The following FZD4 variants were observed in gnomAD, a reference collection of about 807,000 sequenced individuals.
FZD4 encodes frizzled class receptor 4, also known as frizzled-4.
In FZD4, 16 loss-of-function variants were observed where a neutral mutation model predicts 37.3. That is an observed-to-expected ratio of 0.43 (90% confidence interval 0.29 to 0.65). The LOEUF (loss-of-function observed/expected upper bound fraction) is 0.65, where lower values mean the gene tolerates loss of function less well. Ranked by LOEUF, FZD4 falls within the 30% of genes least tolerant of loss-of-function variation. FZD4 has a pLI of 0.16. For synonymous variants in FZD4, 246 were observed against 254.8 expected, an observed-to-expected ratio of 0.97 and a Z score of 0.33; for missense variants, 599 against 674.3, an observed-to-expected ratio of 0.89 and a Z score of 1.24.
chr11:86,952,601 G>A lies in FZD4; in HGVS notation c.286-131C>T, dbSNP rs531400084. The A allele has an allele frequency of 1.7e-5, 16 of 947,128 alleles. 1 individual carries two copies. Among genetic ancestry groups the A allele is most frequent in the South Asian group, 1.6e-4 (11 of 70,300 alleles). 58.7% of individuals were successfully genotyped at this position (947,128 alleles called of 1,614,324 possible). A position where few individuals can be genotyped will look rare whatever the true frequency, so the allele number is the denominator to read the frequency against. ...CTACTTTTAAACCAACCTATCGGGA[G>A]TCTGTCTGTTTACTCTGACCTCAAA... On this transcript the variant is annotated intron_variant, in intron 1 of 1. Coordinates refer to ENST00000531380, the MANE Select transcript of FZD4 (RefSeq NM_012193.4).
At chr11:86,952,539 C>T (rs1949303746) in intron 1 of FZD4, 69 bp from the exon 2 acceptor site, 6 of 1,562,016 alleles carry the variant, frequency 3.8e-6, no homozygotes, top group Non-Finnish European at 5.2e-6. Flanking sequence ...AATGCTCCCA[C>T]AAAGCTGAGT....
rs1949268846 is a variant in FZD4, at chr11:86,949,167, T to G, written c.*1975A>C. On this transcript the variant is annotated 3_prime_UTR_variant, in exon 2 of 2. Coordinates refer to ENST00000531380, the MANE Select transcript of FZD4 (RefSeq NM_012193.4). ...CAGGGGCCACCTGTGCCCACTTAACTTCAGTCTCAAAAGCCAAGACTTTGC... is the reference window on the plus strand; with the variant it reads ...CAGGGGCCACCTGTGCCCACTTAACGTCAGTCTCAAAAGCCAAGACTTTGC... 1 of 152,148 alleles carries G rather than the reference T, an allele frequency of 6.6e-6. No individual in the cohort carries two copies. The highest frequency in any genetic ancestry group is 1.5e-5 in the Non-Finnish European group (1 of 68,024). The allele number at this position is 152,148 out of a possible 1,614,324, so 9.4% of individuals were successfully genotyped here.
rs776302269 is a variant in FZD4 at position 86,955,088 on chromosome 11, C to G, written c.-3G>C. Reference sequence around the variant, plus strand: ...GGCCCTGCGCCCCGCCAGGCCATGGCCAGCATCGGGGGTAGCAGCGGCAGC... The same window carrying G: ...GGCCCTGCGCCCCGCCAGGCCATGGGCAGCATCGGGGGTAGCAGCGGCAGC... On this transcript the variant is annotated 5_prime_UTR_variant, in exon 1 of 2. Coordinates refer to ENST00000531380, the MANE Select transcript of FZD4 (RefSeq NM_012193.4). 2.0e-6 allele frequency: 3 copies of G among 1,521,066 alleles called. No individual in the cohort carries two copies. Among genetic ancestry groups the G allele is most frequent in the Non-Finnish European group, 2.6e-6 (3 of 1,139,220 alleles). 94.2% of individuals were successfully genotyped at this position (1,521,066 alleles called of 1,614,324 possible). A position where few individuals can be genotyped will look rare whatever the true frequency, so the allele number is the denominator to read the frequency against.
rs1384151516 is a variant in FZD4 at position 86,950,763 on chromosome 11, T to C, written c.*379A>G. ...TGGTAAAGGGTTAAAAAAGTTAATA[T>C]TTCTCCCTGCTAGTTACCAACTCAC... is the stretch of plus-strand genomic sequence containing the variant. On this transcript the variant is annotated 3_prime_UTR_variant, in exon 2 of 2. Coordinates refer to ENST00000531380, the MANE Select transcript of FZD4 (RefSeq NM_012193.4). 6 of 292,250 alleles carry C rather than the reference T, an allele frequency of 2.1e-5. No individual in the cohort carries two copies. Among genetic ancestry groups the C allele is most frequent in the African/African-American group, 6.4e-5 (3 of 46,532 alleles). The allele number at this position is 292,250 out of a possible 1,614,324, so 18.1% of individuals were successfully genotyped here.
At position 86,952,171 on chromosome 11, in the gene FZD4, T is replaced by C. The variant is rs1949299623; in HGVS notation, c.585A>G (p.Lys195=). ...ACTTGAGCACACAGTTCAGGCTCCT[T>C]TTCACCCAGATGTACTGATCAGAAT... ...GTNSDQYIWV[K]RSLNCVLKCG... The change falls in exon 2 of 2, where the codon AAA becomes AAG. Residue 195 remains lysine (K), a synonymous_variant. Coordinates refer to ENST00000531380, the MANE Select transcript of FZD4 (RefSeq NM_012193.4). 6.2e-7 allele frequency: 1 copy of C among 1,611,946 alleles called. No individual in the cohort carries two copies. The highest frequency in any genetic ancestry group is 1.7e-5 in the Admixed American group (1 of 59,916).
At chr11:86,954,153 G>C in intron 1 of FZD4, 2 of 630,556 alleles carry the variant, frequency 3.2e-6, no homozygotes, top group Non-Finnish European at 4.0e-6. Context: ...TCTATCATTA[G>C]ATATGCTTTA....
chr11:86,954,771 C>A (rs1590945242), intron 1 of FZD4, 30 bp downstream of exon 1: 1 of 1,574,756 alleles, frequency 6.4e-7, no homozygotes, highest in East Asian at 2.3e-5. Context: ...CCCAAGGGGT[C>A]CCGCCAGGGG....
At chr11:86,952,611 T>A in intron 1 of FZD4, 141 bp from the exon 2 acceptor site, 1 of 857,012 alleles carries the variant, frequency 1.2e-6, no homozygotes, top group Non-Finnish European at 1.9e-6. Context: ...GTCTGTCTGT[T>A]TACTCTGACC....
chr11:86,951,457 C>T lies in FZD4; in HGVS notation c.1299G>A (p.Leu433=). Residue 433 remains leucine (L), a synonymous_variant, in exon 2 of 2, where the codon CTG becomes CTA. Coordinates refer to ENST00000531380, the MANE Select transcript of FZD4 (RefSeq NM_012193.4). ...DGTKTDKLER[L]MVKIGVFSVL... Reference sequence around the variant, plus strand: ...CTGAGAACACCCCAATCTTGACCATCAGTCTTTCTAACTTGTCTGTCTTTG... The same window carrying T: ...CTGAGAACACCCCAATCTTGACCATTAGTCTTTCTAACTTGTCTGTCTTTG... The T allele has an allele frequency of 6.2e-7, 1 of 1,613,932 alleles. No individual in the cohort carries two copies.
At position 86,954,788 on chromosome 11, in the gene FZD4, T is replaced by TGGGGGC; in HGVS notation, c.285+7_285+12dup. 7.5e-6 allele frequency: 12 copies of TGGGGGC among 1,590,766 alleles called. No individual in the cohort carries two copies. Among genetic ancestry groups the TGGGGGC allele is most frequent in the Non-Finnish European group, 1.0e-5 (12 of 1,169,514 alleles). ...CAAGGGGTCCCGCCAGGGGTGGGGG[T>TGGGGGC]GGGGGCGCCCACCTGCAGCTGGCTG... On this transcript the variant is annotated intron_variant, in intron 1 of 1. Transcript: ENST00000531380.
rs753775277 is a variant in FZD4 at position 86,955,057 on chromosome 11, A to G, written c.29T>C (p.Val10Ala). 6.3e-7 allele frequency: 1 copy of G among 1,595,536 alleles called. No individual in the cohort carries two copies. ...ACCGACGCCCCCGGGCGCCCCCGGG[A>G]CGCTCGGCCCTGCGCCCCGCCAGGC... MAWRGAGPS[V>A]PGAPGGVGLS... Residue 10 changes from valine to alanine, a missense_variant, in exon 1 of 2, where the codon GTC becomes GCC. Physicochemically the swap from Val to Ala is moderately conservative, Grantham distance 64 (BLOSUM62 0). Coordinates refer to ENST00000531380, the MANE Select transcript of FZD4 (RefSeq NM_012193.4).
At position 86,952,587 on chromosome 11, in the gene FZD4, C is replaced by A. The variant is rs1364834741; in HGVS notation, c.286-117G>T. 4 of 1,116,968 alleles carry A rather than the reference C, an allele frequency of 3.6e-6. No homozygotes were observed. The East Asian group carries it at 9.4e-5, about 26-fold the overall frequency. The allele number at this position is 1,116,968 out of a possible 1,614,324, so 69.2% of individuals were successfully genotyped here. A position where few individuals can be genotyped will look rare whatever the true frequency, so the allele number is the denominator to read the frequency against. On this transcript the variant is annotated intron_variant, in intron 1 of 1. Coordinates refer to ENST00000531380, the MANE Select transcript of FZD4 (RefSeq NM_012193.4). ...GGCAATCTAGGTATCTACTTTTAAA[C>A]CAACCTATCGGGAGTCTGTCTGTTT...
rs1590941351 is a variant in FZD4, at chr11:86,948,391, C to G, written c.*2751G>C. 6.6e-6 allele frequency: 1 copy of G among 152,082 alleles called. No homozygotes were observed. Among genetic ancestry groups the G allele is most frequent in the East Asian group, 1.9e-4 (1 of 5,184 alleles). 9.4% of individuals were successfully genotyped at this position (152,082 alleles called of 1,614,324 possible). ...AGTCGGCACTCAATAAATAAAATAA[C>G]TGATTTTTTTAACAAATACCGATTT... On this transcript the variant is annotated 3_prime_UTR_variant, in exon 2 of 2. Transcript: ENST00000531380.
intron 1 of FZD4, among the ~76,000 whole-genome samples, chr11:86,953,707 C>T (rs1949313602): frequency 6.6e-6 from 1 of 152,110 alleles, no homozygotes; most frequent in Non-Finnish European, 1.5e-5. Context: ...ACCTCTGCCT[C>T]CTGGGTTCAA....
Position 86,955,141 on chromosome 11 carries a change from C to T in FZD4, c.-56G>A, listed in dbSNP as rs2135045706. On this transcript the variant is annotated 5_prime_UTR_variant, in exon 1 of 2. Transcript: ENST00000531380. ...CTGGGGCTGCTCTGGCAGACACCCC[C>T]AGTTTGCACGGGGGCGCCGGCTGCC... is the stretch of plus-strand genomic sequence containing the variant. 1 of 1,332,724 alleles carries T rather than the reference C, an allele frequency of 7.5e-7. No individual in the cohort carries two copies. Among genetic ancestry groups the T allele is most frequent in the East Asian group, 2.9e-5 (1 of 34,390 alleles). 82.6% of individuals were successfully genotyped at this position (1,332,724 alleles called of 1,614,324 possible).
rs778781079 is a variant in FZD4 at position 86,951,445 on chromosome 11, A to G, written c.1311T>C (p.Ile437=). The G allele has an allele frequency of 1.2e-6, 2 of 1,613,626 alleles. No homozygotes were observed. Among genetic ancestry groups the G allele is most frequent in the South Asian group, 2.2e-5 (2 of 91,064 alleles). ...CTGTGTACAGTACTGAGAACACCCC[A>G]ATCTTGACCATCAGTCTTTCTAACT... ...TDKLERLMVK[I]GVFSVLYTVP... is the part of the protein sequence containing the mutation. Residue 437 remains isoleucine (I), a synonymous_variant, in exon 2 of 2, where the codon ATT becomes ATC. Coordinates refer to ENST00000531380, the MANE Select transcript of FZD4 (RefSeq NM_012193.4).
chr11:86,949,997 T>TA lies in FZD4; in HGVS notation c.*1144dup, dbSNP rs1308869878. The TA allele has an allele frequency of 4.6e-5, 7 of 152,374 alleles. No individual in the cohort carries two copies. Among genetic ancestry groups the TA allele is most frequent in the African/African-American group, 1.4e-4 (6 of 41,576 alleles). The allele number at this position is 152,374 out of a possible 1,614,324, so 9.4% of individuals were successfully genotyped here. A position where few individuals can be genotyped will look rare whatever the true frequency, so the allele number is the denominator to read the frequency against. ...GATAACATTCTTATGCTTTAAAAAATAAAAAAATTTTTAAAGGCACTATCA... is the reference window on the plus strand; with the variant it reads ...GATAACATTCTTATGCTTTAAAAAATAAAAAAAATTTTTAAAGGCACTATCA... On this transcript the variant is annotated 3_prime_UTR_variant, in exon 2 of 2. Coordinates refer to ENST00000531380, the MANE Select transcript of FZD4 (RefSeq NM_012193.4).
At position 86,951,266 on chromosome 11, in the gene FZD4, G is replaced by C. The variant is rs80358300; in HGVS notation, c.1490C>G (p.Ser497Cys). 5.0e-6 allele frequency: 8 copies of C among 1,614,142 alleles called. No individual in the cohort carries two copies. The highest frequency in any genetic ancestry group is 6.8e-6 in the Non-Finnish European group (8 of 1,180,028). Reference sequence around the variant, plus strand: ...CTGCCACGTGTGAAGAGTTTTGGCAGACCAAATCCACATGCCTGAAGTGAT... The same window carrying C: ...CTGCCACGTGTGAAGAGTTTTGGCACACCAAATCCACATGCCTGAAGTGAT... ...VGITSGMWIW[S>C]AKTLHTWQKC... Residue 497 changes from serine to cysteine, a missense_variant, in exon 2 of 2, where the codon TCT (serine) becomes TGT (cysteine). Ser to Cys is a moderately radical substitution (Grantham distance 112). This residue lies in a region of FZD4 where 203 missense variants were observed against 196.8 expected (regional missense o/e 1.03). Coordinates refer to ENST00000531380, the MANE Select transcript of FZD4 (RefSeq NM_012193.4).
intron 1 of FZD4, chr11:86,954,533 G>A (rs1949319694): frequency 1.0e-6 from 1 of 984,850 alleles, no homozygotes; most frequent in Non-Finnish European, 1.2e-6. Context: ...CAGCTCCACT[G>A]GGGTTAGGGG....
Sources: gnomAD v4.1 joint callset for allele counts (sites outside exome capture counted in the v4.1 genomes callset) on GRCh38, gnomAD v4.1.1 for gene constraint, gnomAD v4.1.1 regional missense constraint, MANE v1.5 for transcripts, NCBI Gene and HGNC (gene_info 2026-07-23, HGNC 2026-07-21) for gene names.